CDA: variants seen among roughly 807,000 people sequenced by gnomAD.
The protein encoded by CDA is cytidine aminohydrolase.
Under a neutral mutation model 15.0 loss-of-function variants are expected in CDA, and 7 were observed. That is an observed-to-expected ratio of 0.47 (90% confidence interval 0.26 to 0.87). CDA has a LOEUF of 0.87. Ranked by LOEUF, CDA falls within the 40% of genes least tolerant of loss-of-function variation. The pLI is 0.15. For synonymous variants in CDA, 58 were observed against 73.0 expected (o/e 0.79, Z 1.05); for missense variants, 159 against 182.7 (o/e 0.87, Z 0.75).
intron 3 of CDA, among the ~76,000 whole-genome samples, chr1:20,614,618 T>C (rs2052785616): frequency 6.6e-6 from 1 of 151,974 alleles, no homozygotes; most frequent in African/African-American, 2.4e-5. Flanking sequence ...AGCAGAAATA[T>C]AAATAATGAG....
chr1:20,616,062 T>C (rs1206301248), intron 3 of CDA, among the ~76,000 whole-genome samples: 42 of 152,018 alleles, frequency 2.8e-4, no homozygotes, highest in Admixed American at 2.8e-3. Context: ...GTGAAATGCA[T>C]GTCGTTATTC....
chr1:20,589,951 G>A (rs588485), intron 1 of CDA, among the ~76,000 whole-genome samples: 36,793 of 152,184 alleles, frequency 0.24, 5,447 homozygotes, highest in Middle Eastern at 0.4. Context: ...TGGAACCTGA[G>A]CCCATCTGAG....
intron 1 of CDA, among the ~76,000 whole-genome samples, chr1:20,600,480 G>A (rs2052632978): frequency 6.6e-6 from 1 of 152,090 alleles, no homozygotes; most frequent in Non-Finnish European, 1.5e-5. Flanking sequence ...CAGGGGCTGG[G>A]CATCTTAGCT....
intron 2 of CDA, among the ~76,000 whole-genome samples, chr1:20,612,204 C>G (rs2052758449): frequency 6.6e-6 from 1 of 152,196 alleles, no homozygotes. Flanking sequence ...CACAGAGAAA[C>G]CCAGGGCTTC....
At chr1:20,590,601 T>C (rs543454283) in intron 1 of CDA, among the ~76,000 whole-genome samples, 20 of 152,288 alleles carry the variant, frequency 1.3e-4, no homozygotes, top group African/African-American at 4.6e-4. Context: ...GCACCCACAC[T>C]GACCCCTCCT....
At chr1:20,589,924 G>A (rs866774668) in intron 1 of CDA, among the ~76,000 whole-genome samples, 6 of 151,276 alleles carry the variant, frequency 4.0e-5, no homozygotes, top group African/African-American at 1.2e-4. Flanking sequence ...AGCGCCCTGC[G>A]GGGCGGGGGC....
At chr1:20,616,800 T>C (rs12072407) in intron 3 of CDA, among the ~76,000 whole-genome samples, 33,977 of 152,082 alleles carry the variant, frequency 0.22, 4,125 homozygotes, top group African/African-American at 0.31. Context: ...TACCTACCCT[T>C]AGGCACAGCC....
At chr1:20,615,111 C>T (rs1280349573) in intron 3 of CDA, among the ~76,000 whole-genome samples, 1 of 152,104 alleles carries the variant, frequency 6.6e-6, no homozygotes, top group East Asian at 1.9e-4. Flanking sequence ...CTGCCCACCT[C>T]GGCCTCCCAA....
chr1:20,595,963 A>G (rs576873657), intron 1 of CDA, among the ~76,000 whole-genome samples: 101 of 151,926 alleles, frequency 6.6e-4, no homozygotes, highest in African/African-American at 2.1e-3. Context: ...AGCCTGGCCA[A>G]TATGGTGAAA....
At chr1:20,594,985 G>A (rs1012414881) in intron 1 of CDA, among the ~76,000 whole-genome samples, 5 of 152,012 alleles carry the variant, frequency 3.3e-5, no homozygotes, top group Non-Finnish European at 7.4e-5. Context: ...CCCTGGGCTC[G>A]TGGGGAGTAT....
chr1:20,600,138 G>C (rs818196), intron 1 of CDA, among the ~76,000 whole-genome samples: 119,164 of 152,146 alleles, frequency 0.78, 47,006 homozygotes, highest in Middle Eastern at 0.89. Flanking sequence ...GAAGATTTCT[G>C]TCTCTGAGGC....
At chr1:20,616,462 A>G (rs917002657) in intron 3 of CDA, among the ~76,000 whole-genome samples, 2 of 152,148 alleles carry the variant, frequency 1.3e-5, no homozygotes, top group African/African-American at 4.8e-5. Flanking sequence ...ATCCAAAAAC[A>G]TACCACCGGG....
intron 1 of CDA, among the ~76,000 whole-genome samples, chr1:20,598,870 G>C (rs774173798): frequency 1.4e-4 from 21 of 152,294 alleles, no homozygotes; most frequent in Non-Finnish European, 2.5e-4. Context: ...TGACTTCACT[G>C]TTCCAGGCCC....
At chr1:20,606,033 C>G (rs1487823628) in intron 2 of CDA, among the ~76,000 whole-genome samples, 1 of 125,282 alleles carries the variant, frequency 8.0e-6, no homozygotes, top group East Asian at 2.3e-4. Flanking sequence ...TTTATAAGAT[C>G]CTACACTTTG....
intron 1 of CDA, among the ~76,000 whole-genome samples, chr1:20,592,334 A>C (rs1198735749): frequency 2.6e-5 from 4 of 152,162 alleles, no homozygotes; most frequent in African/African-American, 9.7e-5. Context: ...AAATGCTTAT[A>C]AAGCATTCAG....
intron 2 of CDA, among the ~76,000 whole-genome samples, chr1:20,609,513 G>A (rs558203534): frequency 1.3e-5 from 2 of 152,212 alleles, no homozygotes; most frequent in South Asian, 2.1e-4. Context: ...GAAAGGAAGC[G>A]GTGAGCTCAG....
intron 1 of CDA, among the ~76,000 whole-genome samples, chr1:20,593,342 A>G (rs2052565517): frequency 1.3e-5 from 2 of 152,198 alleles, no homozygotes; most frequent in Admixed American, 1.3e-4. Flanking sequence ...ATGGGGGACA[A>G]TGAGTTTCAC....
chr1:20,602,345 T>C (rs1326831826), intron 1 of CDA, among the ~76,000 whole-genome samples: 1 of 152,108 alleles, frequency 6.6e-6, no homozygotes, highest in African/African-American at 2.4e-5. Flanking sequence ...TCTGTCTAGA[T>C]GTCCCACCAT....
intron 3 of CDA, among the ~76,000 whole-genome samples, chr1:20,616,608 C>T (rs1020624111): frequency 1.3e-5 from 2 of 152,146 alleles, no homozygotes; most frequent in African/African-American, 4.8e-5. Context: ...AAGGCCCCGA[C>T]GTGGTCCAAT....
Sources: gnomAD v4.1 joint callset for allele counts (sites outside exome capture counted in the v4.1 genomes callset) on GRCh38, gnomAD v4.1.1 for gene constraint, MANE v1.5 for transcripts, NCBI Gene and HGNC (gene_info 2026-07-23, HGNC 2026-07-21) for gene names.